TMEM178A: variants seen among roughly 807,000 people sequenced by gnomAD.
The protein encoded by TMEM178A is transmembrane protein 178A, also known as transmembrane protein 178.
TMEM178A carries 12 observed loss-of-function variants against 29.1 expected under a neutral mutation model. That is an observed-to-expected ratio of 0.41 (90% CI 0.26 to 0.67). The LOEUF (loss-of-function observed/expected upper bound fraction) is 0.67, where lower values mean the gene tolerates loss of function less well. Among genes scored for constraint, TMEM178A ranks in the 30% least tolerant of loss-of-function variants. The pLI, the probability that TMEM178A is intolerant of heterozygous loss-of-function variation, is 0.29. For synonymous variants in TMEM178A, 210 were observed against 187.2 expected (o/e 1.12, Z -0.99); for missense variants, 366 against 419.1 (o/e 0.87, Z 1.11).
At chr2:39,680,736 A>T (rs1303248337) in intron 1 of TMEM178A, among the ~76,000 whole-genome samples, 1 of 151,796 alleles carries the variant, frequency 6.6e-6, no homozygotes, top group Non-Finnish European at 1.5e-5. Context: ...AAAGATTTTG[A>T]TGAAAGAAAA....
intron 1 of TMEM178A, among the ~76,000 whole-genome samples, chr2:39,691,030 A>T (rs920637327): frequency 6.6e-6 from 1 of 152,246 alleles, no homozygotes; most frequent in African/African-American, 2.4e-5. Context: ...GTGATTCAGT[A>T]AGAGGGAGAA....
At chr2:39,678,387 A>G (rs538429135) in intron 1 of TMEM178A, among the ~76,000 whole-genome samples, 1 of 152,378 alleles carries the variant, frequency 6.6e-6, no homozygotes, top group South Asian at 2.1e-4. Context: ...ACAATGGAAC[A>G]TTATTCAGCC....
At chr2:39,730,921 C>G in the TMEM178A span, among the ~76,000 whole-genome samples, 1 of 152,186 alleles carries the variant, frequency 6.6e-6, no homozygotes, top group South Asian at 2.1e-4. Context: ...TCATAGCACA[C>G]AGAGTATCCT....
chr2:39,722,866 G>A (rs1672729535), downstream of TMEM178A, among the ~76,000 whole-genome samples: 2 of 152,296 alleles, frequency 1.3e-5, no homozygotes, highest in African/African-American at 4.8e-5. Context: ...TGGGTGTGAG[G>A]ATGGATGAAC....
At chr2:39,689,047 C>T (rs1285825092) in intron 1 of TMEM178A, among the ~76,000 whole-genome samples, 1 of 152,194 alleles carries the variant, frequency 6.6e-6, no homozygotes, top group Non-Finnish European at 1.5e-5. Context: ...TGCCACTTTC[C>T]TATTCACCAT....
chr2:39,674,538 A>G (rs925403646), intron 1 of TMEM178A, among the ~76,000 whole-genome samples: 8 of 152,012 alleles, frequency 5.3e-5, no homozygotes, highest in African/African-American at 1.9e-4. Context: ...GGGGCGAGGG[A>G]TAAAAGACTA....
chr2:39,688,829 T>C (rs1477781698), intron 1 of TMEM178A, among the ~76,000 whole-genome samples: 1 of 152,228 alleles, frequency 6.6e-6, no homozygotes, highest in East Asian at 1.9e-4. Context: ...ATTCTCTTTG[T>C]AGATCCTGAA....
intron 1 of TMEM178A, among the ~76,000 whole-genome samples, chr2:39,677,783 G>T (rs1018321032): frequency 2.0e-5 from 3 of 152,030 alleles, no homozygotes; most frequent in African/African-American, 7.2e-5. Flanking sequence ...ATTTATTACA[G>T]CTTGATACTT....
chr2:39,718,139 A>T (rs934289350), downstream of TMEM178A, among the ~76,000 whole-genome samples: 5 of 152,184 alleles, frequency 3.3e-5, no homozygotes, highest in Non-Finnish European at 7.3e-5. Context: ...TATTGACAAA[A>T]GATGTCATTT....
At chr2:39,674,812 A>G (rs1385432111) in intron 1 of TMEM178A, among the ~76,000 whole-genome samples, 3 of 152,252 alleles carry the variant, frequency 2.0e-5, no homozygotes, top group Non-Finnish European at 1.5e-5. Flanking sequence ...AAAGTCTTGT[A>G]TTCCTTTCTC....
chr2:39,703,982 C>G, intron 1 of TMEM178A, 99 bp from the exon 2 acceptor site: 4 of 815,362 alleles, frequency 4.9e-6, no homozygotes, highest in Non-Finnish European at 7.9e-6. Context: ...TATCCCATCT[C>G]CCATTCAACC....
rs776018897 is a variant in TMEM178A at position 39,698,247 on chromosome 2, G to C, written c.401-5834G>C. On this transcript the variant is annotated intron_variant, in intron 1 of 3. Coordinates refer to ENST00000281961, the MANE Select transcript of TMEM178A (RefSeq NM_152390.3). ...TTTGGGTAACAGCATTTATGTTAAA[G>C]CTTGGTTACAACCGAGTAATAGCCT... 5.0e-4 allele frequency among the ~76,000 whole-genome samples: 76 copies of C among 152,210 alleles called. 1 individual carries two copies. Among genetic ancestry groups the C allele is most frequent in the Non-Finnish European group, 1.5e-4 (10 of 68,026 alleles).
At chr2:39,697,066 A>G (rs1671574964) in intron 1 of TMEM178A, among the ~76,000 whole-genome samples, 1 of 152,214 alleles carries the variant, frequency 6.6e-6, no homozygotes, top group Non-Finnish European at 1.5e-5. Flanking sequence ...ATGACTTTGA[A>G]AAAATTGGAA....
intron 3 of TMEM178A, among the ~76,000 whole-genome samples, chr2:39,715,720 G>A (rs61123958): frequency 0.012 from 1,820 of 152,270 alleles, 36 homozygotes; most frequent in East Asian, 0.065. Flanking sequence ...GTGCACATTT[G>A]GAAGCGGATT....
At chr2:39,723,006 A>G in the TMEM178A span, among the ~76,000 whole-genome samples, 1 of 152,190 alleles carries the variant, frequency 6.6e-6, no homozygotes, top group Non-Finnish European at 1.5e-5. Flanking sequence ...TGCTATAGCA[A>G]GGGTGCACGG....
intron 3 of TMEM178A, among the ~76,000 whole-genome samples, chr2:39,708,710 C>G (rs1393038283): frequency 6.6e-6 from 1 of 152,064 alleles, no homozygotes; most frequent in African/African-American, 2.4e-5. Context: ...AGCCACCGCG[C>G]CCGGCCGATT....
intron 1 of TMEM178A, among the ~76,000 whole-genome samples, chr2:39,690,440 G>A (rs960485617): frequency 6.6e-6 from 1 of 152,224 alleles, no homozygotes; most frequent in African/African-American, 2.4e-5. Flanking sequence ...CTGCCGTGGG[G>A]AAAATAAAGG....
intron 1 of TMEM178A, among the ~76,000 whole-genome samples, chr2:39,683,975 G>T (rs1397391980): frequency 6.6e-6 from 1 of 152,084 alleles, no homozygotes; most frequent in East Asian, 1.9e-4. Flanking sequence ...CTAATTATTT[G>T]GTTATCTTAA....
chr2:39,716,161 C>G (rs1236368794), intron 3 of TMEM178A, among the ~76,000 whole-genome samples: 2 of 152,242 alleles, frequency 1.3e-5, no homozygotes, highest in Non-Finnish European at 2.9e-5. Flanking sequence ...TTACTCACCA[C>G]ACTCTGATCC....
Sources: allele counts gnomAD v4.1 joint callset (sites outside exome capture counted in the v4.1 genomes callset), GRCh38; gene constraint gnomAD v4.1.1; transcripts MANE v1.5; gene names NCBI Gene and HGNC (gene_info 2026-07-23, HGNC 2026-07-21).